Variants in OR7E24 observed in about 807,000 individuals in gnomAD.
OR7E24 encodes olfactory receptor family 7 subfamily E member 24, also known as olfactory receptor 7E24.
For synonymous variants in OR7E24, 130 were observed against 157.5 expected (o/e 0.83, Z 1.31); for missense variants, 385 against 410.3 (o/e 0.94, Z 0.53).
At chr19:9,212,379 A>G in the OR7E24 span, 1 of 152,244 alleles carries the variant, frequency 6.6e-6, no homozygotes, top group South Asian at 2.1e-4. Flanking sequence ...TTGAATAAAC[A>G]GAAAATACTG....
At chr19:9,224,232 T>C in the OR7E24 span, among the ~76,000 whole-genome samples, 162 of 152,126 alleles carry the variant, frequency 1.1e-3, 1 homozygote, top group African/African-American at 3.8e-3. Context: ...ATTTCCACCA[T>C]GGATTGGGGC....
the OR7E24 span, among the ~76,000 whole-genome samples, chr19:9,234,113 AGGCT>A: frequency 6.6e-6 from 1 of 152,254 alleles, no homozygotes; most frequent in Non-Finnish European, 1.5e-5. Flanking sequence ...CATGTTGGCC[AGGCT>A]GGTCTCGAAC....
the OR7E24 span, among the ~76,000 whole-genome samples, chr19:9,222,419 T>C: frequency 6.6e-6 from 1 of 152,226 alleles, no homozygotes; most frequent in Non-Finnish European, 1.5e-5. Context: ...TAGCAATTCT[T>C]CCAGTTCATG....
chr19:9,235,636 A>C, the OR7E24 span: 6 of 1,584,074 alleles, frequency 3.8e-6, no homozygotes, highest in Non-Finnish European at 5.2e-6. Context: ...ACTGATGAAG[A>C]GGCTGACCTT....
the OR7E24 span, chr19:9,210,314 C>T: frequency 6.6e-6 from 1 of 152,040 alleles, no homozygotes; most frequent in Non-Finnish European, 1.5e-5. Flanking sequence ...TTATAAAGAA[C>T]CATAATATCT....
the OR7E24 span, chr19:9,236,118 G>T: frequency 9.1e-7 from 1 of 1,094,904 alleles, no homozygotes; most frequent in Non-Finnish European, 1.4e-6. Context: ...GATGCTATGG[G>T]TCCCTTAAGC....
chr19:9,224,657 T>G, the OR7E24 span, among the ~76,000 whole-genome samples: 3 of 151,794 alleles, frequency 2.0e-5, no homozygotes, highest in East Asian at 5.8e-4. Flanking sequence ...CCTAGCTACT[T>G]GGGAGGCTGA....
chr19:9,250,609 C>G (rs1388068932), upstream of OR7E24, among the ~76,000 whole-genome samples: 1 of 152,182 alleles, frequency 6.6e-6, no homozygotes, highest in Non-Finnish European at 1.5e-5. Flanking sequence ...TTTGAGACAA[C>G]ATGATCCTAG....
the OR7E24 span, chr19:9,219,149 TATAGA>T: frequency 4.6e-5 from 7 of 151,776 alleles, no homozygotes; most frequent in African/African-American, 1.7e-4. Flanking sequence ...CCAGGAAAAA[TATAGA>T]ATATAATAGA....
chr19:9,226,754 C>T, the OR7E24 span, among the ~76,000 whole-genome samples: 6 of 152,164 alleles, frequency 3.9e-5, no homozygotes, highest in Non-Finnish European at 5.9e-5. Flanking sequence ...GAAGAGGAAC[C>T]TCTACTTACT....
At chr19:9,223,370 G>A in the OR7E24 span, among the ~76,000 whole-genome samples, 2 of 152,232 alleles carry the variant, frequency 1.3e-5, no homozygotes, top group Admixed American at 1.3e-4. Context: ...CAATGATAAA[G>A]GCTGGAAAAT....
upstream of OR7E24, among the ~76,000 whole-genome samples, chr19:9,242,634 A>C (rs912695301): frequency 6.6e-6 from 1 of 152,320 alleles, no homozygotes; most frequent in Middle Eastern, 3.4e-3. Context: ...ATAACCTGGC[A>C]ACTTGACGTT....
At chr19:9,208,658 AAAGAATTTGAT>A in the OR7E24 span, 1 of 151,182 alleles carries the variant, frequency 6.6e-6, no homozygotes, top group Non-Finnish European at 1.5e-5. Context: ...AATGATAGTC[AAAGAATTTGAT>A]AAGTGGGACA....
chr19:9,251,179 G>C lies in OR7E24; in HGVS notation c.136G>C (p.Ala46Pro). Residue 46 changes from alanine (A) to proline (P), a missense_variant, in exon 1 of 1, where the codon GCT becomes CCT. Coordinates refer to ENST00000456448, the MANE Select transcript of OR7E24 (RefSeq NM_001079935.2). The stretch of plus-strand genomic sequence containing the variant: ...GGATCCAGAACTGCAGCCGGTCCTC[G>C]CTGGGCTGTTCCTGTCCATGTACCT... ...SEDPELQPVL[A>P]GLFLSMYLVT... 6.2e-7 allele frequency: 1 copy of C among 1,613,780 alleles called. No homozygotes were observed. The highest frequency in any genetic ancestry group is 8.5e-7 in the Non-Finnish European group (1 of 1,179,956).
the OR7E24 span, among the ~76,000 whole-genome samples, chr19:9,227,634 G>A: frequency 6.6e-6 from 1 of 151,632 alleles, no homozygotes; most frequent in African/African-American, 2.4e-5. Context: ...CTATACCTTT[G>A]CTATTGTAAA....
the OR7E24 span, among the ~76,000 whole-genome samples, chr19:9,225,040 C>A: frequency 3.9e-5 from 6 of 152,132 alleles, no homozygotes; most frequent in African/African-American, 1.2e-4. Context: ...AGGTCAAGGT[C>A]ACCCCACCAC....
chr19:9,239,218 G>A, the OR7E24 span, among the ~76,000 whole-genome samples: 1 of 151,330 alleles, frequency 6.6e-6, no homozygotes, highest in African/African-American at 2.4e-5. Context: ...TGCCCAGGCT[G>A]GAGTGCAGTG....
At position 9,252,079 on chromosome 19, in the gene OR7E24, T is replaced by G; in HGVS notation, c.*16T>G. Reference sequence around the variant, plus strand: ...TATGGGATAGAAATGGCAGCAAAATTTAACACCTAGGCCTGCAAATTCTGC... The same window carrying G: ...TATGGGATAGAAATGGCAGCAAAATGTAACACCTAGGCCTGCAAATTCTGC... On this transcript the variant is annotated 3_prime_UTR_variant, in exon 1 of 1. Coordinates refer to ENST00000456448, the MANE Select transcript of OR7E24 (RefSeq NM_001079935.2). The G allele has an allele frequency of 6.2e-7, 1 of 1,604,986 alleles. No individual in the cohort carries two copies. The highest frequency in any genetic ancestry group is 2.2e-5 in the East Asian group (1 of 44,790).
chr19:9,229,950 G>A, the OR7E24 span, among the ~76,000 whole-genome samples: 3 of 152,126 alleles, frequency 2.0e-5, no homozygotes, highest in Non-Finnish European at 4.4e-5. Context: ...GGGCTGCTGG[G>A]GTAAGAGGAG....
Sources: gnomAD v4.1 joint callset for allele counts (sites outside exome capture counted in the v4.1 genomes callset) on GRCh38, gnomAD v4.1.1 for gene constraint, MANE v1.5 for transcripts, NCBI Gene and HGNC (gene_info 2026-07-23, HGNC 2026-07-21) for gene names.